ZNF124: variants seen among roughly 807,000 people sequenced by gnomAD.
ZNF124 encodes zinc finger protein HZF-16.
ZNF124 carries 25 observed loss-of-function variants against 26.6 expected under a neutral mutation model. The ratio of observed to expected loss-of-function variants is 0.94; its 90% CI spans 0.68 to 1.31. ZNF124 has a LOEUF of 1.31. Ranked by LOEUF, ZNF124 falls within the 40% of genes most tolerant of loss-of-function variation. The pLI, the probability that ZNF124 is intolerant of heterozygous loss-of-function variation, is 0.00. For synonymous variants in ZNF124, 129 were observed against 133.3 expected, an observed-to-expected ratio of 0.97 and a Z score of 0.22; for missense variants, 444 against 422.2, an observed-to-expected ratio of 1.05 and a Z score of -0.45.
Position 247,156,991 on chromosome 1 carries a change from A to G in ZNF124, c.631T>C (p.Cys211Arg). The stretch of plus-strand genomic sequence containing the variant: ...TTGGAGTAACGGAAGGCTTTCCCAC[A>G]GTGCTTACATTCATAGGGTTTCTCT... The part of the protein sequence containing the change: ...TGEKPYECKH[C>R]GKAFRYSNCL... The change falls in exon 4 of 4, where the codon TGT becomes CGT. Residue 211 changes from cysteine to arginine, a missense_variant. Physicochemically the swap from Cys to Arg is radical, Grantham distance 180. Coordinates refer to ENST00000543802, the MANE Select transcript of ZNF124 (RefSeq NM_001297568.2). 1.2e-6 allele frequency: 2 copies of G among 1,613,196 alleles called. No homozygotes were observed. Among genetic ancestry groups the G allele is most frequent in the South Asian group, 2.2e-5 (2 of 91,070 alleles).
At chr1:247,162,259 T>G (rs1487053236) in intron 1 of ZNF124, among the ~76,000 whole-genome samples, 1 of 152,062 alleles carries the variant, frequency 6.6e-6, no homozygotes, top group Non-Finnish European at 1.5e-5. Context: ...TCTACACATA[T>G]GAATAGTAAC....
Position 247,157,442 on chromosome 1 carries a change from C to T in ZNF124, c.219-39G>A, listed in dbSNP as rs547308714. The T allele has an allele frequency of 4.2e-5, 65 of 1,532,880 alleles. 2 individuals are homozygous for T. In the South Asian group the frequency reaches 7.3e-4, roughly 17 times the overall value. The allele number at this position is 1,532,880 out of a possible 1,614,324, so 95.0% of individuals were successfully genotyped here. A position where few individuals can be genotyped will look rare whatever the true frequency, so the allele number is the denominator to read the frequency against. ...AATGACGTATGAAGAATTTTTCACA[C>T]ACAATGCATTCATGTGGTTTTACTC... On this transcript the variant is annotated intron_variant, in intron 3 of 3. Transcript: ENST00000543802.
At chr1:247,145,917 C>A (rs943495544) in intron 3 of ZNF124, among the ~76,000 whole-genome samples, 2 of 152,228 alleles carry the variant, frequency 1.3e-5, no homozygotes, top group Non-Finnish European at 2.9e-5. Flanking sequence ...GCCACTGCGC[C>A]CGGCCAAAGA....
intron 3 of ZNF124, among the ~76,000 whole-genome samples, chr1:247,140,531 A>C (rs1169550139): frequency 3.9e-5 from 6 of 152,248 alleles, no homozygotes; most frequent in Non-Finnish European, 8.8e-5. Context: ...TCTGGAGGAC[A>C]TACAACACTC....
intron 3 of ZNF124, among the ~76,000 whole-genome samples, chr1:247,136,992 CA>C (rs1209794036): frequency 6.6e-6 from 1 of 151,358 alleles, no homozygotes; most frequent in Non-Finnish European, 1.5e-5. Flanking sequence ...CCAATATACC[CA>C]AGACAATCCT....
intron 1 of ZNF124, among the ~76,000 whole-genome samples, chr1:247,161,053 C>T (rs1013073734): frequency 2.0e-5 from 3 of 152,150 alleles, no homozygotes; most frequent in Admixed American, 6.5e-5. Flanking sequence ...TCATAGATGC[C>T]TGAAACAGAC....
intron 3 of ZNF124, chr1:247,138,775 G>A (rs1227650462): frequency 7.5e-6 from 3 of 398,476 alleles, no homozygotes; most frequent in Non-Finnish European, 1.3e-5. Flanking sequence ...AAAATTGAAA[G>A]TGTAATTGGC....
chr1:247,158,155 C>T (rs1415060412), intron 3 of ZNF124, among the ~76,000 whole-genome samples: 1 of 152,034 alleles, frequency 6.6e-6, no homozygotes, highest in Non-Finnish European at 1.5e-5. Flanking sequence ...GAGACTGAGT[C>T]CGGAGAATCA....
Position 247,155,801 on chromosome 1 carries a change from C to T in ZNF124, c.*765G>A, listed in dbSNP as rs1673094735. 6 of 457,790 alleles carry T rather than the reference C, an allele frequency of 1.3e-5. No homozygotes were observed. In the South Asian group the frequency reaches 4.7e-4, roughly 36 times the overall value. 28.4% of individuals were successfully genotyped at this position (457,790 alleles called of 1,614,324 possible). A position where few individuals can be genotyped will look rare whatever the true frequency, so the allele number is the denominator to read the frequency against. On this transcript the variant is annotated 3_prime_UTR_variant, in exon 4 of 4. Transcript: ENST00000543802. ...GCGTGAACCTGGGAGGCAGAGCTTA[C>T]AGTGAACTGAGATTGTGCCACTGCA...
chr1:247,151,584 T>C (rs1217850341), downstream of ZNF124, among the ~76,000 whole-genome samples: 1 of 152,020 alleles, frequency 6.6e-6, no homozygotes, highest in African/African-American at 2.4e-5. Context: ...GTGGTACAAT[T>C]TTGGAAAACT....
intron 3 of ZNF124, 73 bp from the exon 4 acceptor site, chr1:247,157,476 A>G (rs1367345386): frequency 6.9e-7 from 1 of 1,451,210 alleles, no homozygotes; most frequent in Non-Finnish European, 9.5e-7. Context: ...TCTAGCAGGA[A>G]TTTTTTTGTT....
intron 3 of ZNF124, among the ~76,000 whole-genome samples, chr1:247,137,487 CAAAAA>C (rs56926662): frequency 9.8e-5 from 8 of 81,646 alleles, no homozygotes; most frequent in African/African-American, 2.6e-4. Flanking sequence ...ACTAAAAATA[CAAAAA>C]AAAAAAAAAA....
At chr1:247,152,415 G>T (rs144730012), downstream of ZNF124, among the ~76,000 whole-genome samples, 65 of 151,652 alleles carry the variant, frequency 4.3e-4, no homozygotes, top group East Asian at 1.5e-3. Flanking sequence ...AACAGAGTAG[G>T]TATTGTGAAC....
chr1:247,152,030 G>A (rs999797645), downstream of ZNF124, among the ~76,000 whole-genome samples: 1 of 148,432 alleles, frequency 6.7e-6, no homozygotes, highest in African/African-American at 2.5e-5. Flanking sequence ...GTATCTTTGG[G>A]CTAAAAATGT....
chr1:247,126,053 G>A lies in ZNF124; in HGVS notation c.219-2182C>T, dbSNP rs181119680. Among the ~76,000 whole-genome samples the A allele has an allele frequency of 3.0e-4, 46 of 152,264 alleles. 1 individual carries two copies. The highest frequency in any genetic ancestry group is 1.0e-3 in the African/African-American group (42 of 41,552). On this transcript the variant is annotated intron_variant, in intron 3 of 3. Transcript: ENST00000472531. ...CTGAGGTGGGCGGATCATGAGGTCA[G>A]AAGTTCGAGACCAGCCTGACCAACA...
rs561598445 is a variant in ZNF124 at position 247,155,697 on chromosome 1, T to C, written c.*869A>G. The C allele has an allele frequency of 2.7e-4, 43 of 157,226 alleles. No homozygotes were observed. Among genetic ancestry groups the C allele is most frequent in the Non-Finnish European group, 5.6e-4 (41 of 72,726 alleles). The allele number at this position is 157,226 out of a possible 1,614,324, so 9.7% of individuals were successfully genotyped here. A position where few individuals can be genotyped will look rare whatever the true frequency, so the allele number is the denominator to read the frequency against. ...TAACACGGTGAAACCCCATCTCTAC[T>C]AAAAATACAAAAAATTAGCTGGGCA... On this transcript the variant is annotated 3_prime_UTR_variant, in exon 4 of 4. Transcript: ENST00000543802.
At chr1:247,122,606 T>C (rs1430762584) in exon 4 of ZNF124, 1 of 152,238 alleles carries the variant, frequency 6.6e-6, no homozygotes, top group Non-Finnish European at 1.5e-5. Flanking sequence ...GCAGTAGCTA[T>C]TCACAGGCAC....
intron 3 of ZNF124, chr1:247,138,606 T>C (rs1401340564): frequency 1.3e-5 from 5 of 394,996 alleles, no homozygotes. Context: ...AAATAAAACA[T>C]AAAAATTCTG....
chr1:247,164,654 T>C (rs1165913493), intron 1 of ZNF124, among the ~76,000 whole-genome samples: 2 of 152,044 alleles, frequency 1.3e-5, no homozygotes, highest in Non-Finnish European at 2.9e-5. Flanking sequence ...TCCATGCTCA[T>C]TGATAGGAAG....
Sources: gnomAD v4.1 joint callset for allele counts (sites outside exome capture counted in the v4.1 genomes callset) on GRCh38, gnomAD v4.1.1 for gene constraint, MANE v1.5 for transcripts, NCBI Gene and HGNC (gene_info 2026-07-23, HGNC 2026-07-21) for gene names.